The following FAM171B variants were observed in gnomAD, a reference collection of about 807,000 sequenced individuals.
The protein encoded by FAM171B is protein FAM171B.
A neutral mutation model predicts 75.6 loss-of-function variants in FAM171B; 19 were observed. The ratio of observed to expected loss-of-function variants is 0.25; its 90% CI spans 0.18 to 0.37. The LOEUF is 0.37. FAM171B is among the 10% of genes least tolerant of loss of function. FAM171B has a pLI of 1.00. For synonymous variants in FAM171B, 367 were observed against 361.7 expected (o/e 1.01, Z -0.17); for missense variants, 848 against 982.4 (o/e 0.86, Z 1.83).
intron 4 of FAM171B, among the ~76,000 whole-genome samples, chr2:186,748,866 C>T (rs1690410571): frequency 6.6e-6 from 1 of 152,102 alleles, no homozygotes; most frequent in Non-Finnish European, 1.5e-5. Flanking sequence ...AAAGCATTTA[C>T]TAGAATGGTA....
rs1477153515 is a variant in FAM171B at position 186,721,807 on chromosome 2, A to C, written c.239-18421A>C. 3.3e-5 allele frequency among the ~76,000 whole-genome samples: 5 copies of C among 152,246 alleles called. No individual in the cohort carries two copies. In the East Asian group the frequency reaches 9.6e-4, roughly 29 times the overall value. On this transcript the variant is annotated intron_variant, in intron 1 of 7. Transcript: ENST00000304698. ...AGACTGCACAAAACAAAGGCTCTAA[A>C]ACTTTCTTGGTTCACAGTCCCCTCA...
rs1306748381 is a variant in FAM171B at position 186,754,039 on chromosome 2, A to G, written c.1002A>G (p.Pro334=). ...GGTACTGGATAGCAGCTCCACTTCC[A>G]GGAACTAGAGGTATTGTAAAAAATG... The part of the protein sequence containing the change: ...HLGYWIAAPL[P]GTRGSGINED... The change falls in exon 6 of 8, where the codon CCA becomes CCG. Residue 334 remains proline, a synonymous_variant. Transcript: ENST00000304698. The G allele has an allele frequency of 6.3e-7, 1 of 1,588,186 alleles. No individual in the cohort carries two copies. The highest frequency in any genetic ancestry group is 2.3e-5 in the East Asian group (1 of 44,240).
chr2:186,733,628 A>C (rs1279906773), intron 1 of FAM171B, among the ~76,000 whole-genome samples: 1 of 152,142 alleles, frequency 6.6e-6, no homozygotes, highest in Non-Finnish European at 1.5e-5. Context: ...CAGAACATTG[A>C]GGGGTGCATG....
At chr2:186,705,441 A>C (rs1689721104) in intron 1 of FAM171B, among the ~76,000 whole-genome samples, 1 of 152,070 alleles carries the variant, frequency 6.6e-6, no homozygotes, top group Non-Finnish European at 1.5e-5. Flanking sequence ...GCAGAGGTTC[A>C]AGGGAGCCAA....
chr2:186,730,530 T>G (rs372931642), intron 1 of FAM171B, among the ~76,000 whole-genome samples: 7 of 152,220 alleles, frequency 4.6e-5, no homozygotes, highest in Admixed American at 6.5e-5. Context: ...GCCTGTATTA[T>G]GCACTAAGTC....
At chr2:186,743,701 G>A (rs974785764) in intron 3 of FAM171B, 126 bp downstream of exon 3, 9 of 632,966 alleles carry the variant, frequency 1.4e-5, no homozygotes, top group Non-Finnish European at 2.2e-5. Flanking sequence ...GATTAGCACT[G>A]ACTATAAGTT....
intron 5 of FAM171B, among the ~76,000 whole-genome samples, chr2:186,753,005 C>T (rs759667159): frequency 7.9e-5 from 12 of 151,662 alleles, no homozygotes; most frequent in Non-Finnish European, 1.3e-4. Flanking sequence ...AGTACTAGAC[C>T]GAGACAATAT....
At chr2:186,704,089 G>A (rs943195115) in intron 1 of FAM171B, among the ~76,000 whole-genome samples, 2 of 152,038 alleles carry the variant, frequency 1.3e-5, no homozygotes, top group African/African-American at 4.8e-5. Flanking sequence ...TGTATTTAAA[G>A]ACAAATAACT....
chr2:186,696,504 C>G (rs1689583549), intron 1 of FAM171B, among the ~76,000 whole-genome samples: 1 of 144,286 alleles, frequency 6.9e-6, no homozygotes, highest in Non-Finnish European at 1.5e-5. Flanking sequence ...CCACACTCCT[C>G]CAATGGCTTC....
chr2:186,697,289 G>GT (rs778622140), intron 1 of FAM171B, among the ~76,000 whole-genome samples: 5 of 151,760 alleles, frequency 3.3e-5, no homozygotes, highest in Admixed American at 1.3e-4. Flanking sequence ...AGAATTTGGG[G>GT]TTTTTTTTGA....
chr2:186,695,311 G>C (rs1689563666), intron 1 of FAM171B: 1 of 152,126 alleles, frequency 6.6e-6, no homozygotes, highest in Non-Finnish European at 1.5e-5. Flanking sequence ...GATTATCCAT[G>C]TATATTGCAT....
intron 6 of FAM171B, among the ~76,000 whole-genome samples, chr2:186,758,215 AAC>A (rs1690560957): frequency 6.6e-6 from 1 of 152,186 alleles, no homozygotes; most frequent in Non-Finnish European, 1.5e-5. Context: ...GGTTAGATAT[AAC>A]TGTTACTGCT....
chr2:186,738,593 T>C (rs185255603), intron 1 of FAM171B, among the ~76,000 whole-genome samples: 158 of 152,268 alleles, frequency 1.0e-3, no homozygotes, highest in Non-Finnish European at 1.7e-3. Flanking sequence ...TCGTGGACTC[T>C]GTCCAGAACT....
chr2:186,703,802 A>T (rs1689699051), intron 1 of FAM171B, among the ~76,000 whole-genome samples: 1 of 152,082 alleles, frequency 6.6e-6, no homozygotes, highest in African/African-American at 2.4e-5. Flanking sequence ...TTTTTTTAAT[A>T]AATGTCTGGG....
intron 1 of FAM171B, among the ~76,000 whole-genome samples, chr2:186,729,576 C>G (rs1165734352): frequency 6.6e-6 from 1 of 152,144 alleles, no homozygotes. Context: ...GCAGCTAATT[C>G]TTTATAACTT....
intron 1 of FAM171B, among the ~76,000 whole-genome samples, chr2:186,739,481 A>T (rs77836739): frequency 2.0e-5 from 3 of 152,108 alleles, no homozygotes; most frequent in Admixed American, 6.5e-5. Context: ...TATTTTAAAA[A>T]TTTTTTACTT....
intron 4 of FAM171B, among the ~76,000 whole-genome samples, chr2:186,747,834 T>C (rs149893450): frequency 4.3e-4 from 65 of 152,330 alleles, no homozygotes; most frequent in African/African-American, 1.5e-3. Flanking sequence ...TAAAAGTTAG[T>C]GGAACAATGG....
At chr2:186,740,503 T>C in intron 2 of FAM171B, 42 bp downstream of exon 2, 1 of 1,485,810 alleles carries the variant, frequency 6.7e-7, no homozygotes, top group Non-Finnish European at 9.2e-7. Context: ...TTTTGCTAAA[T>C]GTAAATGAAT....
intron 5 of FAM171B, 78 bp from the exon 6 acceptor site, chr2:186,753,855 G>A: frequency 9.5e-7 from 1 of 1,052,124 alleles, no homozygotes; most frequent in Non-Finnish European, 1.5e-6. Context: ...CTTTGAAAAA[G>A]TCCCATAATG....
Sources: allele counts gnomAD v4.1 joint callset (sites outside exome capture counted in the v4.1 genomes callset), GRCh38; gene constraint gnomAD v4.1.1; transcripts MANE v1.5; gene names NCBI Gene and HGNC (gene_info 2026-07-23, HGNC 2026-07-21).